The following WWOX variants were observed in gnomAD, a reference collection of about 807,000 sequenced individuals.
WWOX encodes WW domain containing oxidoreductase, also known as WW domain-containing oxidoreductase.
Under a neutral mutation model 46.2 loss-of-function variants are expected in WWOX, and 69 were observed. The observed-to-expected ratio is 1.49, with a 90% confidence interval of 1.23 to 1.82. The LOEUF (loss-of-function observed/expected upper bound fraction) is 1.82. Among genes scored for constraint, WWOX ranks in the 40% most tolerant of loss-of-function variants. WWOX has a pLI of 0.00. For synonymous variants in WWOX, 359 were observed against 202.6 expected (o/e 1.77, Z -6.56); for missense variants, 919 against 542.6 (o/e 1.69, Z -6.89).
chr16:78,828,308 G>A (rs1385671779), intron 8 of WWOX, among the ~76,000 whole-genome samples: 2 of 152,044 alleles, frequency 1.3e-5, no homozygotes, highest in Non-Finnish European at 1.5e-5. Context: ...GTTAATCCAG[G>A]GGCCAGGCAA....
At chr16:78,743,792 A>G (rs1226943206) in intron 8 of WWOX, among the ~76,000 whole-genome samples, 1 of 152,174 alleles carries the variant, frequency 6.6e-6, no homozygotes, top group Non-Finnish European at 1.5e-5. Flanking sequence ...ACTTCTTTCC[A>G]CAACCAATCT....
intron 8 of WWOX, among the ~76,000 whole-genome samples, chr16:78,557,512 C>G (rs1188616794): frequency 6.6e-6 from 1 of 152,014 alleles, no homozygotes; most frequent in African/African-American, 2.4e-5. Flanking sequence ...GAGCACTGGG[C>G]CCATGGAGCC....
intron 8 of WWOX, among the ~76,000 whole-genome samples, chr16:78,948,161 C>G (rs1417622536): frequency 6.6e-6 from 1 of 152,208 alleles, no homozygotes; most frequent in Non-Finnish European, 1.5e-5. Flanking sequence ...AGACAGGTAA[C>G]ACCTGCCTCC....
chr16:79,211,105 C>T (rs973183231), intron 8 of WWOX, among the ~76,000 whole-genome samples: 16 of 151,406 alleles, frequency 1.1e-4, no homozygotes, highest in African/African-American at 1.9e-4. Context: ...CTAGCAGCAC[C>T]GTGGGCAAAG....
chr16:78,573,057 G>A (rs1291113351), intron 8 of WWOX, among the ~76,000 whole-genome samples: 5 of 152,198 alleles, frequency 3.3e-5, no homozygotes, highest in Admixed American at 2.0e-4. Context: ...GGAGGCCAAG[G>A]CAGGCGGATC....
intron 8 of WWOX, among the ~76,000 whole-genome samples, chr16:79,057,650 A>C (rs2161725): frequency 0.6 from 91,534 of 151,856 alleles, 28,269 homozygotes; most frequent in African/African-American, 0.72. Context: ...CAAGGTCCTG[A>C]TAAATGGGAA....
At chr16:78,449,221 C>G (rs1172567095) in intron 8 of WWOX, among the ~76,000 whole-genome samples, 1 of 152,146 alleles carries the variant, frequency 6.6e-6, no homozygotes, top group Non-Finnish European at 1.5e-5. Context: ...TGGCTGCTGG[C>G]TTTATCGAAG....
At chr16:78,893,430 C>T (rs1458584011) in intron 8 of WWOX, among the ~76,000 whole-genome samples, 1 of 152,072 alleles carries the variant, frequency 6.6e-6, no homozygotes, top group African/African-American at 2.4e-5. Flanking sequence ...ATTGACTTCT[C>T]TTTTCTTTTA....
At chr16:79,208,727 T>A (rs1486647782) in intron 8 of WWOX, among the ~76,000 whole-genome samples, 1 of 152,192 alleles carries the variant, frequency 6.6e-6, no homozygotes, top group African/African-American at 2.4e-5. Context: ...AGTCTTATTC[T>A]GATGATATGT....
intron 8 of WWOX, among the ~76,000 whole-genome samples, chr16:79,049,834 C>CAAA (rs34371278): frequency 6.4e-5 from 5 of 78,690 alleles, no homozygotes; most frequent in Non-Finnish European, 1.1e-4. Context: ...GACTCTGTCT[C>CAAA]AAAAAAAAAA....
chr16:79,046,821 A>T (rs947969672), intron 8 of WWOX, among the ~76,000 whole-genome samples: 1 of 152,096 alleles, frequency 6.6e-6, no homozygotes, highest in Non-Finnish European at 1.5e-5. Context: ...ACTACAACAA[A>T]TGTCTCTTTG....
At chr16:78,554,513 G>A (rs1221242025) in intron 8 of WWOX, among the ~76,000 whole-genome samples, 1 of 152,088 alleles carries the variant, frequency 6.6e-6, no homozygotes, top group Admixed American at 6.6e-5. Context: ...ACACATATAT[G>A]CACAGTAATA....
At chr16:78,392,422 T>C (rs558856332) in intron 6 of WWOX, among the ~76,000 whole-genome samples, 2 of 152,240 alleles carry the variant, frequency 1.3e-5, no homozygotes, top group East Asian at 3.9e-4. Context: ...TACATTATGG[T>C]GAGTTGGATA....
intron 8 of WWOX, among the ~76,000 whole-genome samples, chr16:78,719,829 A>T (rs901557773): frequency 6.6e-6 from 1 of 152,220 alleles, no homozygotes; most frequent in Non-Finnish European, 1.5e-5. Flanking sequence ...TCAAAAACAA[A>T]CAAATACATG....
At chr16:78,932,052 T>G (rs183884322) in intron 8 of WWOX, among the ~76,000 whole-genome samples, 4 of 152,246 alleles carry the variant, frequency 2.6e-5, no homozygotes, top group Non-Finnish European at 4.4e-5. Flanking sequence ...TTCCCAGCCA[T>G]GTGGAACTGT....
In WWOX at chr16:78,394,236, G is replaced by T. The variant is rs1248861891; in HGVS notation, c.605+7288G>T. On this transcript the variant is annotated intron_variant, in intron 6 of 8. Coordinates refer to ENST00000566780, the MANE Select transcript of WWOX (RefSeq NM_016373.4). ...TCCATTTTTGGTTTGCCTAACAGAA[G>T]ATCATCTTGCTTTGCTTCTCTACAC... is the stretch of plus-strand genomic sequence containing the variant. 2.6e-5 allele frequency among the ~76,000 whole-genome samples: 4 copies of T among 152,244 alleles called. No individual in the cohort carries two copies. The East Asian group carries it at 7.7e-4, about 29-fold the overall frequency.
intron 8 of WWOX, among the ~76,000 whole-genome samples, chr16:78,696,116 A>G (rs759414193): frequency 6.6e-6 from 1 of 152,156 alleles, no homozygotes; most frequent in Non-Finnish European, 1.5e-5. Flanking sequence ...GAAACATAGG[A>G]GAGAAGCCAC....
intron 8 of WWOX, among the ~76,000 whole-genome samples, chr16:78,893,428 CTCTTT>C (rs2044634325): frequency 6.6e-6 from 1 of 152,066 alleles, no homozygotes; most frequent in African/African-American, 2.4e-5. Context: ...GGATTGACTT[CTCTTT>C]TCTTTTATTT....
At chr16:78,829,825 C>G (rs1191649953) in intron 8 of WWOX, among the ~76,000 whole-genome samples, 2 of 152,162 alleles carry the variant, frequency 1.3e-5, no homozygotes, top group African/African-American at 4.8e-5. Flanking sequence ...GAGCTCCTCC[C>G]TCCTGCTAGC....
Sources: gnomAD v4.1 joint callset for allele counts (sites outside exome capture counted in the v4.1 genomes callset) on GRCh38, gnomAD v4.1.1 for gene constraint, MANE v1.5 for transcripts, NCBI Gene and HGNC (gene_info 2026-07-23, HGNC 2026-07-21) for gene names.